KHDRBS2: variants seen among roughly 807,000 people sequenced by gnomAD.
KHDRBS2 encodes KH domain-containing, RNA-binding, signal transduction-associated protein 2.
Under a neutral mutation model 44.3 loss-of-function variants are expected in KHDRBS2, and 26 were observed. The ratio of observed to expected loss-of-function variants is 0.59; its 90% CI spans 0.43 to 0.81. The LOEUF (loss-of-function observed/expected upper bound fraction) is 0.81. KHDRBS2 is among the 40% of genes least tolerant of loss of function. The probability of loss-of-function intolerance (pLI) is 0.00; values close to 1 mark genes in which losing one functional copy is unlikely to be tolerated. For synonymous variants in KHDRBS2, 194 were observed against 151.1 expected, an observed-to-expected ratio of 1.28 and a Z score of -2.08; for missense variants, 476 against 433.1, an observed-to-expected ratio of 1.10 and a Z score of -0.88.
At chr6:62,018,772 C>A (rs939897715) in intron 3 of KHDRBS2, among the ~76,000 whole-genome samples, 1 of 152,088 alleles carries the variant, frequency 6.6e-6, no homozygotes, top group African/African-American at 2.4e-5. Context: ...TTTCTCATTA[C>A]AAAAATATTT....
At chr6:61,901,458 GCAAT>G in intron 4 of KHDRBS2, 87 bp from the exon 5 acceptor site, 1 of 369,918 alleles carries the variant, frequency 2.7e-6, no homozygotes, top group Non-Finnish European at 4.1e-6. Context: ...AAAACAAAAC[GCAAT>G]AGGAAATAAT....
intron 6 of KHDRBS2, among the ~76,000 whole-genome samples, chr6:61,809,021 T>A (rs1435882698): frequency 1.3e-5 from 2 of 152,100 alleles, no homozygotes; most frequent in Non-Finnish European, 2.9e-5. Context: ...AAAAATTGTC[T>A]ATAATAATGA....
At chr6:62,258,785 G>A (rs921956243) in intron 1 of KHDRBS2, among the ~76,000 whole-genome samples, 7 of 151,770 alleles carry the variant, frequency 4.6e-5, no homozygotes, top group South Asian at 2.1e-4. Context: ...TTTTAGATAC[G>A]GGATACTCAA....
intron 6 of KHDRBS2, among the ~76,000 whole-genome samples, chr6:61,782,701 AT>A (rs1783147281): frequency 3.7e-5 from 2 of 53,680 alleles, no homozygotes; most frequent in Non-Finnish European, 3.2e-5. Flanking sequence ...ATATATATAT[AT>A]ATATATATAT....
At chr6:61,592,682 T>A in the KHDRBS2 span, among the ~76,000 whole-genome samples, 1 of 151,340 alleles carries the variant, frequency 6.6e-6, no homozygotes, top group African/African-American at 2.4e-5. Flanking sequence ...AATATTTTTG[T>A]TTTTTTTTAG....
intron 6 of KHDRBS2, among the ~76,000 whole-genome samples, chr6:61,803,303 C>T (rs1786583943): frequency 6.6e-6 from 1 of 152,080 alleles, no homozygotes; most frequent in South Asian, 2.1e-4. Context: ...CAAGGTGATT[C>T]CCAGCACACT....
chr6:61,933,549 T>C (rs1329469848), intron 4 of KHDRBS2, among the ~76,000 whole-genome samples: 1 of 152,088 alleles, frequency 6.6e-6, no homozygotes, highest in Non-Finnish European at 1.5e-5. Flanking sequence ...ATCCAAACAT[T>C]GTGGAAGGGA....
At chr6:62,045,640 TAATC>T (rs1787504539) in intron 3 of KHDRBS2, among the ~76,000 whole-genome samples, 1 of 152,102 alleles carries the variant, frequency 6.6e-6, no homozygotes, top group Non-Finnish European at 1.5e-5. Flanking sequence ...GTTCAATAAA[TAATC>T]AATGCATGAA....
At chr6:61,594,689 T>G in the KHDRBS2 span, among the ~76,000 whole-genome samples, 2 of 152,118 alleles carry the variant, frequency 1.3e-5, no homozygotes, top group Non-Finnish European at 2.9e-5. Context: ...ACATTATTAC[T>G]TTTTGGACAA....
chr6:61,840,505 T>A (rs569660245), intron 6 of KHDRBS2, among the ~76,000 whole-genome samples: 1 of 152,124 alleles, frequency 6.6e-6, no homozygotes, highest in African/African-American at 2.4e-5. Context: ...GTGGGGAAAA[T>A]CTGAAGCTTA....
At chr6:61,922,756 T>C (rs1419131662) in intron 4 of KHDRBS2, among the ~76,000 whole-genome samples, 2 of 152,100 alleles carry the variant, frequency 1.3e-5, no homozygotes, top group Non-Finnish European at 2.9e-5. Flanking sequence ...GTCTTGCCTT[T>C]AAAAAGTTAT....
chr6:61,655,385 C>T, the KHDRBS2 span, among the ~76,000 whole-genome samples: 2 of 151,968 alleles, frequency 1.3e-5, no homozygotes, highest in Non-Finnish European at 2.9e-5. Context: ...TCCCAAGTAG[C>T]TGGGGTTACA....
chr6:62,111,719 A>G (rs1388753874), intron 2 of KHDRBS2, among the ~76,000 whole-genome samples: 2 of 152,014 alleles, frequency 1.3e-5, no homozygotes, highest in East Asian at 3.9e-4. Context: ...CTATATCTAC[A>G]AAAAATTAGA....
chr6:61,938,028 A>C (rs1238844592), intron 4 of KHDRBS2, among the ~76,000 whole-genome samples: 1 of 152,084 alleles, frequency 6.6e-6, no homozygotes, highest in African/African-American at 2.4e-5. Flanking sequence ...CAGAAGCTCC[A>C]GGACACCTTC....
At chr6:61,915,313 T>C (rs1460853841) in intron 4 of KHDRBS2, among the ~76,000 whole-genome samples, 1 of 151,980 alleles carries the variant, frequency 6.6e-6, no homozygotes, top group Admixed American at 6.6e-5. Flanking sequence ...AGAATTCAAG[T>C]TTTGCTATTA....
At chr6:62,043,268 G>C (rs370112429) in intron 3 of KHDRBS2, among the ~76,000 whole-genome samples, 4 of 152,048 alleles carry the variant, frequency 2.6e-5, no homozygotes, top group East Asian at 3.9e-4. Flanking sequence ...TGAAGCTACA[G>C]TAAGTTACCC....
chr6:62,073,021 C>A (rs1464484492), intron 2 of KHDRBS2, among the ~76,000 whole-genome samples: 1 of 151,972 alleles, frequency 6.6e-6, no homozygotes, highest in Non-Finnish European at 1.5e-5. Context: ...ATTTCAGAGC[C>A]TGCTATCGGT....
At chr6:61,605,517 C>G in the KHDRBS2 span, among the ~76,000 whole-genome samples, 1 of 152,144 alleles carries the variant, frequency 6.6e-6, no homozygotes, top group Non-Finnish European at 1.5e-5. Context: ...TCCTTTAATA[C>G]ATATTTTTCT....
Position 61,894,764 on chromosome 6 carries a change from A to G in KHDRBS2, c.681T>C (p.Thr227=). 1 of 1,613,592 alleles carries G rather than the reference A, an allele frequency of 6.2e-7. No individual in the cohort carries two copies. The highest frequency in any genetic ancestry group is 8.5e-7 in the Non-Finnish European group (1 of 1,179,824). ...GCACTGGAAGCGCTCCACGGGTTACAGTGCTTCCCCGAGGGGTGAGAACAC... is the reference window on the plus strand; with the variant it reads ...GCACTGGAAGCGCTCCACGGGTTACGGTGCTTCCCCGAGGGGTGAGAACAC... ...GRGVLTPRGS[T]VTRGALPVPP... The change falls in exon 6 of 9, where the codon ACT becomes ACC. Residue 227 remains threonine, a synonymous_variant. Transcript: ENST00000281156.
Sources: gnomAD v4.1 joint callset for allele counts (sites outside exome capture counted in the v4.1 genomes callset) on GRCh38, gnomAD v4.1.1 for gene constraint, MANE v1.5 for transcripts, NCBI Gene and HGNC (gene_info 2026-07-23, HGNC 2026-07-21) for gene names.